RBFOX1: variants seen among roughly 807,000 people sequenced by gnomAD.
RBFOX1 encodes RNA binding protein fox-1 homolog 1.
Under a neutral mutation model 57.7 loss-of-function variants are expected in RBFOX1, and 8 were observed. That is an observed-to-expected ratio of 0.14 (90% CI 0.08 to 0.25). RBFOX1 has a LOEUF of 0.25. Ranked by LOEUF, RBFOX1 falls within the 10% of genes least tolerant of loss-of-function variation. The pLI, the probability that RBFOX1 is intolerant of heterozygous loss-of-function variation, is 1.00. For synonymous variants in RBFOX1, 326 were observed against 222.4 expected (o/e 1.47, Z -4.15); for missense variants, 611 against 548.5 (o/e 1.11, Z -1.14).
intron 4 of RBFOX1, among the ~76,000 whole-genome samples, chr16:5,897,464 G>A (rs1415258343): frequency 1.3e-5 from 2 of 152,120 alleles, no homozygotes; most frequent in Non-Finnish European, 2.9e-5. Flanking sequence ...ACTACCTCAT[G>A]GGAAACATAT....
At chr16:5,712,470 G>A (rs934410391) in intron 3 of RBFOX1, among the ~76,000 whole-genome samples, 4 of 152,198 alleles carry the variant, frequency 2.6e-5, no homozygotes, top group Admixed American at 6.5e-5. Context: ...TGGCTTTCAC[G>A]CATGCTGATG....
At chr16:7,516,400 G>A (rs2076362154) in intron 4 of RBFOX1, among the ~76,000 whole-genome samples, 1 of 152,084 alleles carries the variant, frequency 6.6e-6, no homozygotes, top group Non-Finnish European at 1.5e-5. Flanking sequence ...CTGGGAGCTG[G>A]GTTCAACTGT....
At chr16:6,934,474 T>C (rs2077047928) in intron 3 of RBFOX1, among the ~76,000 whole-genome samples, 2 of 152,268 alleles carry the variant, frequency 1.3e-5, no homozygotes, top group South Asian at 4.2e-4. Flanking sequence ...GGAATCAACC[T>C]AACTGTCCAT....
chr16:5,954,969 A>C (rs1236256851), intron 4 of RBFOX1, among the ~76,000 whole-genome samples: 1 of 151,576 alleles, frequency 6.6e-6, no homozygotes, highest in Non-Finnish European at 1.5e-5. Context: ...ATACTTGATG[A>C]GGCAGCAGCC....
rs559224825 is a variant in RBFOX1, at chr16:5,273,937, G to T, written c.219+33832G>T. 2.0e-5 allele frequency among the ~76,000 whole-genome samples: 3 copies of T among 152,254 alleles called. No individual in the cohort carries two copies. In the South Asian group the frequency reaches 6.2e-4, roughly 32 times the overall value. On this transcript the variant is annotated intron_variant, in intron 1 of 2. Coordinates refer to the RBFOX1 transcript ENST00000585867. ...ATTCCCCACCTGCCAGGTATCCAGGGACTCGAGCAGATTTAACTGAATTTA... is the reference window on the plus strand; with the variant it reads ...ATTCCCCACCTGCCAGGTATCCAGGTACTCGAGCAGATTTAACTGAATTTA...
At chr16:6,171,417 C>A (rs1159446424) in intron 1 of RBFOX1, among the ~76,000 whole-genome samples, 1 of 152,146 alleles carries the variant, frequency 6.6e-6, no homozygotes, top group African/African-American at 2.4e-5. Flanking sequence ...GAGAATGCCT[C>A]AAAGGTAGCC....
chr16:5,819,418 C>T lies in RBFOX1; in HGVS notation c.319-47885C>T, dbSNP rs536457931. On this transcript the variant is annotated intron_variant, in intron 3 of 19. Coordinates refer to the RBFOX1 transcript ENST00000641259. ...AGGTTAGCAATATCTTCCTATGGTG[C>T]CTCTCTGCTTCCATCTATGCTCTGC... Among the ~76,000 whole-genome samples, 10 of 152,316 alleles carry T rather than the reference C, an allele frequency of 6.6e-5. 1 individual carries two copies. In the South Asian group the frequency reaches 1.2e-3, roughly 19 times the overall value.
rs148602728 is a variant in RBFOX1 at position 6,659,369 on chromosome 16, G to C, written c.-16+4719G>C. On this transcript the variant is annotated intron_variant, in intron 3 of 15. Coordinates refer to ENST00000550418, the MANE Select transcript of RBFOX1 (RefSeq NM_018723.4). The stretch of plus-strand genomic sequence containing the variant: ...GTTTTCCAAGTTATGGCGACTTTCA[G>C]ATTGGGTCCAATTGAAGGTGCGATT... Among the ~76,000 whole-genome samples the C allele has an allele frequency of 2.5e-3, 374 of 152,014 alleles. 1 individual carries two copies. The highest frequency in any genetic ancestry group is 8.8e-3 in the African/African-American group (364 of 41,540).
At chr16:6,174,071 G>C (rs2096984104) in intron 1 of RBFOX1, among the ~76,000 whole-genome samples, 1 of 152,068 alleles carries the variant, frequency 6.6e-6, no homozygotes, top group Non-Finnish European at 1.5e-5. Flanking sequence ...TTATTCCCTT[G>C]AGTTCATCAC....
chr16:6,496,050 C>T (rs1028121339), intron 2 of RBFOX1, among the ~76,000 whole-genome samples: 1 of 152,090 alleles, frequency 6.6e-6, no homozygotes, highest in East Asian at 1.9e-4. Context: ...CAAGAACAAG[C>T]GTATGTTTAT....
chr16:5,351,939 G>C (rs991870861), intron 1 of RBFOX1, among the ~76,000 whole-genome samples: 6 of 152,120 alleles, frequency 3.9e-5, no homozygotes, highest in Non-Finnish European at 8.8e-5. Context: ...GAGTAGCTGG[G>C]ATTACAGGCG....
At chr16:6,657,605 G>C (rs1343243355) in intron 3 of RBFOX1, among the ~76,000 whole-genome samples, 1 of 152,166 alleles carries the variant, frequency 6.6e-6, no homozygotes, top group African/African-American at 2.4e-5. Context: ...GATGACAGTT[G>C]CTCACGCACG....
chr16:6,460,506 C>T (rs2094892486), intron 2 of RBFOX1, among the ~76,000 whole-genome samples: 1 of 151,356 alleles, frequency 6.6e-6, no homozygotes, highest in Non-Finnish European at 1.5e-5. Flanking sequence ...AGCTCAACAT[C>T]AGCGATCATT....
At chr16:7,055,125 TA>T (rs1253413059) in intron 4 of RBFOX1, among the ~76,000 whole-genome samples, 1 of 152,152 alleles carries the variant, frequency 6.6e-6, no homozygotes, top group Admixed American at 6.5e-5. Flanking sequence ...AATACCATGT[TA>T]AAAAAAGCTA....
intron 3 of RBFOX1, among the ~76,000 whole-genome samples, chr16:6,883,502 TACTTATA>T (rs1181896900): frequency 1.3e-5 from 2 of 152,234 alleles, no homozygotes; most frequent in African/African-American, 4.8e-5. Context: ...CAAGAATATT[TACTTATA>T]ACTTGTTGTG....
chr16:5,765,779 C>G (rs186893764), intron 3 of RBFOX1, among the ~76,000 whole-genome samples: 20 of 152,334 alleles, frequency 1.3e-4, no homozygotes, highest in South Asian at 1.0e-3. Flanking sequence ...GATATGGGCT[C>G]TGGCTTTGCT....
intron 3 of RBFOX1, among the ~76,000 whole-genome samples, chr16:6,865,790 G>T (rs1046730855): frequency 5.3e-5 from 8 of 152,048 alleles, no homozygotes; most frequent in African/African-American, 1.9e-4. Flanking sequence ...TTTGTAAGCA[G>T]TATTAGATAA....
chr16:7,509,809 C>T (rs996432800), intron 4 of RBFOX1, among the ~76,000 whole-genome samples: 1 of 152,120 alleles, frequency 6.6e-6, no homozygotes, highest in Non-Finnish European at 1.5e-5. Flanking sequence ...GCCCTCCCCT[C>T]TTAAGAAAAA....
At chr16:5,775,065 CCA>C (rs1597202179) in intron 3 of RBFOX1, among the ~76,000 whole-genome samples, 1 of 152,132 alleles carries the variant, frequency 6.6e-6, no homozygotes, top group African/African-American at 2.4e-5. Context: ...TGGAAAATCT[CCA>C]CAGTGCTTAT....
Sources: gnomAD v4.1 joint callset for allele counts (sites outside exome capture counted in the v4.1 genomes callset) on GRCh38, gnomAD v4.1.1 for gene constraint, MANE v1.5 for transcripts, NCBI Gene and HGNC (gene_info 2026-07-23, HGNC 2026-07-21) for gene names.